Variants in THADA observed in about 807,000 individuals in gnomAD.
The protein encoded by THADA is tRNA (32-2'-O)-methyltransferase regulator THADA.
In THADA, 213 loss-of-function variants were observed where a neutral mutation model predicts 219.8. The observed-to-expected ratio is 0.97, with a 90% confidence interval of 0.87 to 1.09. The LOEUF (loss-of-function observed/expected upper bound fraction) is 1.09, where lower values mean the gene tolerates loss of function less well. Ranked by LOEUF, THADA falls within the 50% of genes least tolerant of loss-of-function variation. THADA has a pLI of 0.00. For missense variants in THADA, 2,956 were observed against 2,311.3 expected (o/e 1.28, Z -5.72); for synonymous variants, 1,018 against 828.9 (o/e 1.23, Z -3.92).
At chr2:43,387,315 T>C (rs574941879) in intron 29 of THADA, among the ~76,000 whole-genome samples, 2 of 152,310 alleles carry the variant, frequency 1.3e-5, no homozygotes, top group East Asian at 1.9e-4. Flanking sequence ...GAGAGGCAGG[T>C]TGGAACAAGG....
At chr2:43,315,900 T>C (rs1678024199) in intron 31 of THADA, among the ~76,000 whole-genome samples, 1 of 152,200 alleles carries the variant, frequency 6.6e-6, no homozygotes, top group Non-Finnish European at 1.5e-5. Flanking sequence ...TCTTAGATCG[T>C]CCAATGAACT....
At chr2:43,418,066 T>G (rs752777511) in intron 28 of THADA, among the ~76,000 whole-genome samples, 5 of 152,228 alleles carry the variant, frequency 3.3e-5, no homozygotes, top group Non-Finnish European at 7.3e-5. Context: ...TACCTCATTA[T>G]GCCAAAAACT....
At chr2:43,545,591 T>A (rs929297660) in intron 20 of THADA, among the ~76,000 whole-genome samples, 1 of 152,226 alleles carries the variant, frequency 6.6e-6, no homozygotes, top group African/African-American at 2.4e-5. Context: ...TTCTTCCTGG[T>A]TTAGTCGTGG....
intron 13 of THADA, 145 bp from the exon 14 acceptor site, chr2:43,570,655 A>C (rs1699191667): frequency 1.1e-6 from 1 of 882,932 alleles, no homozygotes; most frequent in African/African-American, 1.7e-5. Context: ...TTTCTTTTTG[A>C]CAGAAAATAA....
At chr2:43,350,428 C>T (rs537620873) in intron 29 of THADA, among the ~76,000 whole-genome samples, 1 of 152,326 alleles carries the variant, frequency 6.6e-6, no homozygotes, top group East Asian at 1.9e-4. Context: ...TCTAACAATA[C>T]AGTATGTCAT....
In THADA at chr2:43,428,143, A is replaced by T. The variant is rs754278667; in HGVS notation, c.4015T>A (p.Ser1339Thr). The T allele has an allele frequency of 8.1e-6, 13 of 1,607,174 alleles. No homozygotes were observed. The East Asian group carries it at 1.3e-4, about 17-fold the overall frequency. Reference sequence around the variant, plus strand: ...AAAGGTCCCATGCTGAGAGCAGAAGAAGTACCATCCATCGGGGAAGCGTAG... The same window carrying T: ...AAAGGTCCCATGCTGAGAGCAGAAGTAGTACCATCCATCGGGGAAGCGTAG... Reference protein sequence around the residue: ...RLYASPMDGTSSALSMGPFVP... With the variant: ...RLYASPMDGTTSALSMGPFVP... The change falls in exon 28 of 38, where the codon TCT (serine) becomes ACT (threonine). Residue 1339 changes from serine (S) to threonine (T), a missense_variant. Coordinates refer to ENST00000405975, the MANE Select transcript of THADA (RefSeq NM_022065.5).
intron 29 of THADA, among the ~76,000 whole-genome samples, chr2:43,390,126 G>A (rs192996886): frequency 6.6e-6 from 1 of 152,300 alleles, no homozygotes; most frequent in African/African-American, 2.4e-5. Context: ...AGAAAGCAGA[G>A]GAAGTAATAT....
intron 20 of THADA, among the ~76,000 whole-genome samples, chr2:43,545,798 A>G (rs1190473875): frequency 6.6e-6 from 1 of 151,764 alleles, no homozygotes; most frequent in African/African-American, 2.4e-5. Flanking sequence ...TGGTCTATCA[A>G]TTTTGTTGAT....
At position 43,235,999 on chromosome 2, in the gene THADA, C is replaced by T. The variant is rs562744123; in HGVS notation, c.5297-3117G>A. On this transcript the variant is annotated intron_variant, in intron 36 of 37. Transcript: ENST00000405975. ...ATTTTTTTTGAATTTTTAATAGAGACGGGGTTTCACCGTGTTAGCCATGAT... is the reference window on the plus strand; with the variant it reads ...ATTTTTTTTGAATTTTTAATAGAGATGGGGTTTCACCGTGTTAGCCATGAT... 5.9e-5 allele frequency among the ~76,000 whole-genome samples: 9 copies of T among 152,094 alleles called. No individual in the cohort carries two copies. In the East Asian group the frequency reaches 9.7e-4, roughly 16 times the overall value.
intron 28 of THADA, among the ~76,000 whole-genome samples, chr2:43,426,494 C>T (rs1352198114): frequency 6.6e-6 from 1 of 152,106 alleles, no homozygotes; most frequent in Admixed American, 6.5e-5. Context: ...TTTTTAAGGC[C>T]CCTGAAAGTA....
chr2:43,235,848 C>T (rs1351810565), intron 36 of THADA, among the ~76,000 whole-genome samples: 1 of 151,946 alleles, frequency 6.6e-6, no homozygotes, highest in Non-Finnish European at 1.5e-5. Context: ...GCTCTGTCGC[C>T]CAGGCTGGAG....
chr2:43,345,260 C>T (rs191372116), intron 29 of THADA, among the ~76,000 whole-genome samples: 8 of 152,068 alleles, frequency 5.3e-5, no homozygotes, highest in Admixed American at 2.0e-4. Context: ...GAGTTAGATA[C>T]GGAAGGGGGT....
intron 20 of THADA, among the ~76,000 whole-genome samples, chr2:43,543,034 C>T (rs1180198140): frequency 7.9e-6 from 1 of 126,054 alleles, no homozygotes; most frequent in Admixed American, 8.9e-5. Flanking sequence ...CTCCCCCCAC[C>T]CCACAACAGT....
chr2:43,528,495 G>A (rs778122160), intron 21 of THADA, among the ~76,000 whole-genome samples: 18 of 151,908 alleles, frequency 1.2e-4, no homozygotes, highest in Non-Finnish European at 1.9e-4. Flanking sequence ...AAATAAGTAC[G>A]ATCATTATCT....
chr2:43,328,479 G>T (rs1054279114), intron 30 of THADA, among the ~76,000 whole-genome samples: 10 of 152,164 alleles, frequency 6.6e-5, no homozygotes. Flanking sequence ...CTCCTACTTG[G>T]ATTTTCCTTT....
At chr2:43,579,969 T>C (rs898138966) in intron 8 of THADA, among the ~76,000 whole-genome samples, 15 of 151,694 alleles carry the variant, frequency 9.9e-5, no homozygotes, top group African/African-American at 3.4e-4. Context: ...TTTAAAATGC[T>C]GGAAAAGAAT....
chr2:43,397,163 T>C (rs1674165883), intron 29 of THADA, among the ~76,000 whole-genome samples: 1 of 152,184 alleles, frequency 6.6e-6, no homozygotes, highest in Non-Finnish European at 1.5e-5. Context: ...CTCCACACAC[T>C]GCCTGCCATG....
intron 36 of THADA, among the ~76,000 whole-genome samples, chr2:43,271,935 G>A (rs115497335): frequency 0.01 from 1,526 of 152,166 alleles, 28 homozygotes; most frequent in African/African-American, 0.034. Flanking sequence ...CTTTTATTCC[G>A]GTGGAGAGAA....
At position 43,566,086 on chromosome 2, in the gene THADA, T is replaced by A. The variant is rs1231683828; in HGVS notation, c.2311+612A>T. ...CTGGGCAACAGAGCTAGACTCTGTC[T>A]CAAAATAAAAAAAAAGGAATCATTT... On this transcript the variant is annotated intron_variant, in intron 15 of 37. Coordinates refer to ENST00000405975, the MANE Select transcript of THADA (RefSeq NM_022065.5). 11 of 176,372 alleles carry A rather than the reference T, an allele frequency of 6.2e-5. No individual in the cohort carries two copies. In the Admixed American group the frequency reaches 7.0e-4, roughly 11 times the overall value. The allele number at this position is 176,372 out of a possible 1,614,324, so 10.9% of individuals were successfully genotyped here. A position where few individuals can be genotyped will look rare whatever the true frequency, so the allele number is the denominator to read the frequency against.
Sources: allele counts gnomAD v4.1 joint callset (sites outside exome capture counted in the v4.1 genomes callset), GRCh38; gene constraint gnomAD v4.1.1; transcripts MANE v1.5; gene names NCBI Gene and HGNC (gene_info 2026-07-23, HGNC 2026-07-21).